ATP6V0D1: variants seen among roughly 807,000 people sequenced by gnomAD.
The protein encoded by ATP6V0D1 is V-type proton ATPase subunit d 1.
In ATP6V0D1, 13 loss-of-function variants were observed where a neutral mutation model predicts 39.0. That is an observed-to-expected ratio of 0.33 (90% CI 0.22 to 0.53). ATP6V0D1 has a LOEUF of 0.53. Ranked by LOEUF, ATP6V0D1 falls within the 20% of genes least tolerant of loss-of-function variation. ATP6V0D1 has a pLI of 0.94. For missense variants in ATP6V0D1, 272 were observed against 470.9 expected, an observed-to-expected ratio of 0.58 and a Z score of 3.91; for synonymous variants, 191 against 191.2, an observed-to-expected ratio of 1.00 and a Z score of 0.01.
rs1203535801 is a variant in ATP6V0D1 at position 67,456,031 on chromosome 16, C to G, written c.131-2316G>C. ...TTTTTTTCTGAGATGGAATCTTGCT[C>G]TGTTGCCCAGGCTGGAGTGCAGTGG... On this transcript the variant is annotated intron_variant, in intron 1 of 7. Coordinates refer to ENST00000290949, the MANE Select transcript of ATP6V0D1 (RefSeq NM_004691.5). The surrounding 1 kb of genome is among the most constrained non-coding windows in gnomAD (Gnocchi z 4.1). 1.4e-5 allele frequency: 2 copies of G among 146,166 alleles called. No individual in the cohort carries two copies. Among genetic ancestry groups the G allele is most frequent in the Non-Finnish European group, 3.0e-5 (2 of 67,316 alleles). The allele number at this position is 146,166 out of a possible 1,614,324, so 9.1% of individuals were successfully genotyped here.
At chr16:67,479,467 C>T (rs2041445363) in intron 1 of ATP6V0D1, among the ~76,000 whole-genome samples, 1 of 152,104 alleles carries the variant, frequency 6.6e-6, no homozygotes, top group Non-Finnish European at 1.5e-5. Context: ...CCCGCCTTGG[C>T]CTCCCAAAAT....
At chr16:67,475,293 A>G (rs916669635) in intron 1 of ATP6V0D1, among the ~76,000 whole-genome samples, 2 of 152,208 alleles carry the variant, frequency 1.3e-5, no homozygotes, top group African/African-American at 4.8e-5. Context: ...CTGCAGTTTC[A>G]TGTGACATTG....
At chr16:67,475,749 T>C (rs2041409285) in intron 1 of ATP6V0D1, among the ~76,000 whole-genome samples, 1 of 152,290 alleles carries the variant, frequency 6.6e-6, no homozygotes, top group Middle Eastern at 3.4e-3. Flanking sequence ...AGTTTCTGAG[T>C]AAGAGAAGAG....
At chr16:67,442,280 G>A (rs975089774) in intron 4 of ATP6V0D1, among the ~76,000 whole-genome samples, 4 of 152,192 alleles carry the variant, frequency 2.6e-5, no homozygotes, top group Non-Finnish European at 5.9e-5. Flanking sequence ...AGACAGGTGA[G>A]GTCAGCAGGT....
intron 1 of ATP6V0D1, among the ~76,000 whole-genome samples, chr16:67,470,765 C>T (rs1029718332): frequency 1.3e-5 from 2 of 152,060 alleles, no homozygotes; most frequent in African/African-American, 4.8e-5. Context: ...CTTTCCTATC[C>T]CTTCTCTGGT....
chr16:67,480,874 C>T lies in ATP6V0D1; in HGVS notation c.130+83G>A, dbSNP rs369877094. 1.0e-5 allele frequency: 16 copies of T among 1,555,048 alleles called. No homozygotes were observed. In the East Asian group the frequency reaches 2.9e-4, roughly 29 times the overall value. On this transcript the variant is annotated intron_variant, in intron 1 of 7. Transcript: ENST00000290949. Reference sequence around the variant, plus strand: ...AGGCCTCTCAGGCCCTTCAAGACCCCCCCTTCCGGCTTCCCGGCCTACACC... The same window carrying T: ...AGGCCTCTCAGGCCCTTCAAGACCCTCCCTTCCGGCTTCCCGGCCTACACC...
rs565316003 is a variant in ATP6V0D1 at position 67,457,874 on chromosome 16, G to C, written c.131-4159C>G. ...GTTTCTGCTGGCATTTGTCAGATCA[G>C]AGCAAACCCGGGAGACTCTACTGAG... is the stretch of plus-strand genomic sequence containing the variant. On this transcript the variant is annotated intron_variant, in intron 1 of 7. Coordinates refer to ENST00000290949, the MANE Select transcript of ATP6V0D1 (RefSeq NM_004691.5). Among the ~76,000 whole-genome samples, 130 of 152,340 alleles carry C rather than the reference G, an allele frequency of 8.5e-4. 2 individuals carry two copies. The highest frequency in any genetic ancestry group is 2.6e-4 in the Non-Finnish European group (18 of 68,026).
chr16:67,470,262 G>C (rs1317660251), intron 1 of ATP6V0D1, among the ~76,000 whole-genome samples: 1 of 151,286 alleles, frequency 6.6e-6, no homozygotes, highest in Non-Finnish European at 1.5e-5. Context: ...ACAAAGGGGT[G>C]ACAATGTATA....
chr16:67,457,713 T>C, intron 1 of ATP6V0D1: 1 of 1,169,134 alleles, frequency 8.6e-7, no homozygotes, highest in South Asian at 1.3e-5. Context: ...AGGGCTCTCT[T>C]CTGCAGGCCC....
intron 4 of ATP6V0D1, among the ~76,000 whole-genome samples, chr16:67,442,110 C>G (rs1477607707): frequency 6.6e-6 from 1 of 152,268 alleles, no homozygotes; most frequent in Non-Finnish European, 1.5e-5. Context: ...GGTCCCTTGC[C>G]GACACCACTG....
chr16:67,464,394 C>T (rs533235435), intron 1 of ATP6V0D1, among the ~76,000 whole-genome samples: 24 of 152,352 alleles, frequency 1.6e-4, no homozygotes, highest in South Asian at 4.1e-4. Context: ...ACCATAATTA[C>T]GCCCTTGGGC....
In ATP6V0D1 at chr16:67,452,420, C is replaced by T. The variant is rs147308794; in HGVS notation, c.302+1124G>A. The T allele has an allele frequency of 2.5e-4, 384 of 1,534,652 alleles. 4 individuals are homozygous for T. In the East Asian group the frequency reaches 8.5e-3, roughly 34 times the overall value. On this transcript the variant is annotated intron_variant, in intron 2 of 7. Transcript: ENST00000290949. ...GAGCAAGTGGATCCTGGGCAAGTGG[C>T]TCCTAACTGCAGGGGATAAGAATCA...
chr16:67,465,235 C>T (rs2041319829), intron 1 of ATP6V0D1, among the ~76,000 whole-genome samples: 1 of 152,198 alleles, frequency 6.6e-6, no homozygotes, highest in Non-Finnish European at 1.5e-5. Context: ...CAACTGATAA[C>T]CCATCGCCAG....
At chr16:67,439,516 C>T in intron 4 of ATP6V0D1, 165 bp from the exon 5 acceptor site, 3 of 653,174 alleles carry the variant, frequency 4.6e-6, no homozygotes, top group Non-Finnish European at 8.0e-6. Context: ...GCCAATGAAA[C>T]ACTTCTGTGA....
intron 1 of ATP6V0D1, among the ~76,000 whole-genome samples, chr16:67,468,283 C>T (rs767224272): frequency 6.6e-6 from 1 of 151,970 alleles, no homozygotes; most frequent in Non-Finnish European, 1.5e-5. Context: ...CAGAGTGAGA[C>T]CCTGTCTTAA....
At position 67,447,199 on chromosome 16, in the gene ATP6V0D1, A is replaced by T. The variant is rs765882930; in HGVS notation, c.303-2493T>A. 6.6e-6 allele frequency among the ~76,000 whole-genome samples: 1 copy of T among 152,118 alleles called. No homozygotes were observed. The highest frequency in any genetic ancestry group is 1.5e-5 in the Non-Finnish European group (1 of 68,016). On this transcript the variant is annotated intron_variant, in intron 2 of 7. Transcript: ENST00000290949. This position sits in a 1 kb window ranked among gnomAD's most constrained non-coding sequence, Gnocchi z 4.1. The stretch of plus-strand genomic sequence containing the variant: ...CCAGCCCCTTCAAGGCCCTCTTCAA[A>T]CCCAAGCCAGGCCAATCGTGGGCGA...
In ATP6V0D1 at chr16:67,444,534, G is replaced by A. The variant is rs771465516; in HGVS notation, c.475C>T (p.Pro159Ser). 1 of 1,597,156 alleles carries A rather than the reference G, an allele frequency of 6.3e-7. No homozygotes were observed. Among genetic ancestry groups the A allele is most frequent in the Admixed American group, 1.7e-5 (1 of 59,486 alleles). The part of the protein sequence containing the change: ...ELYNAILVDT[P>S]LAAFFQDCIS... ...GACCACCACAGCGGCTCACCAAGAG[G>A]CGTGTCCACCAGAATGGCATTGTAG... The change falls in exon 3 of 8, where the codon CCT becomes TCT. Residue 159 changes from proline (P) to serine (S), a missense_variant. Physicochemically the swap from Pro to Ser is moderately conservative, Grantham distance 74. Coordinates refer to ENST00000290949, the MANE Select transcript of ATP6V0D1 (RefSeq NM_004691.5). This position sits in a 1 kb window ranked among gnomAD's most constrained non-coding sequence, Gnocchi z 4.8.
At chr16:67,441,667 G>T (rs575840180) in intron 4 of ATP6V0D1, 1 of 152,262 alleles carries the variant, frequency 6.6e-6, no homozygotes, top group Non-Finnish European at 1.5e-5. Flanking sequence ...CAAACAAGCT[G>T]AGCCAGGTGT....
intron 1 of ATP6V0D1, among the ~76,000 whole-genome samples, chr16:67,466,330 C>CACAT (rs2041329758): frequency 3.6e-5 from 1 of 27,838 alleles, no homozygotes; most frequent in Non-Finnish European, 8.7e-5. Context: ...AACACATACA[C>CACAT]ACACACACAC....
Sources: allele counts gnomAD v4.1 joint callset (sites outside exome capture counted in the v4.1 genomes callset), GRCh38; gene constraint gnomAD v4.1.1; non-coding constraint Gnocchi (gnomAD v3.1); transcripts MANE v1.5; gene names NCBI Gene and HGNC (gene_info 2026-07-23, HGNC 2026-07-21).